Variants in ZNF385D observed in about 807,000 individuals in gnomAD.
ZNF385D encodes the protein zinc finger protein 659.
In ZNF385D, 15 loss-of-function variants were observed where a neutral mutation model predicts 35.8. That is an observed-to-expected ratio of 0.42 (90% CI 0.28 to 0.64). ZNF385D has a LOEUF of 0.64. ZNF385D is among the 30% of genes least tolerant of loss of function. ZNF385D has a pLI of 0.23. For missense variants in ZNF385D, 474 were observed against 494.6 expected (o/e 0.96, Z 0.39); for synonymous variants, 212 against 186.8 (o/e 1.13, Z -1.10).
intron 3 of ZNF385D, among the ~76,000 whole-genome samples, chr3:22,041,361 A>G (rs886846627): frequency 1.3e-5 from 2 of 152,162 alleles, no homozygotes; most frequent in Non-Finnish European, 2.9e-5. Flanking sequence ...ACCTAGCTCC[A>G]CACAACCACA....
chr3:21,680,022 A>C (rs2066851445), intron 1 of ZNF385D, among the ~76,000 whole-genome samples: 1 of 152,238 alleles, frequency 6.6e-6, no homozygotes, highest in Non-Finnish European at 1.5e-5. Context: ...ATGATAGCTG[A>C]CTTGGAATCT....
intron 1 of ZNF385D, among the ~76,000 whole-genome samples, chr3:21,669,043 A>C (rs2066485869): frequency 6.6e-6 from 1 of 152,206 alleles, no homozygotes; most frequent in Non-Finnish European, 1.5e-5. Flanking sequence ...TAATATTCTT[A>C]ATTGAAGCAG....
chr3:21,705,735 C>A (rs776132713), intron 1 of ZNF385D, among the ~76,000 whole-genome samples: 1 of 152,296 alleles, frequency 6.6e-6, no homozygotes, highest in Non-Finnish European at 1.5e-5. Flanking sequence ...CTTTCCACCA[C>A]CCCCAAAATC....
chr3:21,736,675 C>G (rs1159943743), intron 1 of ZNF385D, among the ~76,000 whole-genome samples: 2 of 152,130 alleles, frequency 1.3e-5, no homozygotes, highest in African/African-American at 4.8e-5. Context: ...GACTAACATC[C>G]ATATGGAATT....
intron 1 of ZNF385D, among the ~76,000 whole-genome samples, chr3:21,705,874 T>C (rs993212529): frequency 1.3e-5 from 2 of 152,166 alleles, no homozygotes; most frequent in Non-Finnish European, 2.9e-5. Context: ...CAGTACCCAG[T>C]AGCTCAATTC....
At chr3:21,564,484 G>T in intron 3 of ZNF385D, 90 bp downstream of exon 3, 1 of 754,010 alleles carries the variant, frequency 1.3e-6, no homozygotes, top group Non-Finnish European at 2.0e-6. Flanking sequence ...AGTTACTGGA[G>T]AAAATGTCTT....
At chr3:22,123,789 G>C (rs1018560836) in intron 3 of ZNF385D, among the ~76,000 whole-genome samples, 2 of 152,164 alleles carry the variant, frequency 1.3e-5, no homozygotes, top group Admixed American at 6.5e-5. Flanking sequence ...TTGAACCCAA[G>C]AGGCGGAGGT....
At chr3:22,336,107 C>T (rs1489518531) in intron 2 of ZNF385D, among the ~76,000 whole-genome samples, 1 of 152,056 alleles carries the variant, frequency 6.6e-6, no homozygotes. Flanking sequence ...GGGACTAATC[C>T]TTACCTCCAG....
chr3:21,871,302 G>A (rs1265963689), intron 3 of ZNF385D, among the ~76,000 whole-genome samples: 1 of 152,030 alleles, frequency 6.6e-6, no homozygotes. Flanking sequence ...CTTTAACCTT[G>A]CACTCTCATC....
intron 1 of ZNF385D, among the ~76,000 whole-genome samples, chr3:21,679,363 T>C (rs2066827959): frequency 6.6e-6 from 1 of 152,158 alleles, no homozygotes; most frequent in Non-Finnish European, 1.5e-5. Flanking sequence ...AAATCATTAA[T>C]TGGTATATCT....
Position 21,921,648 on chromosome 3 carries a change from T to G in ZNF385D, c.325+247169A>C, listed in dbSNP as rs76545004. Reference sequence around the variant, plus strand: ...ACACCTAAAAAAAGAGACATAAATATGTACAAAATAAGAAGCCAAGAATAT... The same window carrying G: ...ACACCTAAAAAAAGAGACATAAATAGGTACAAAATAAGAAGCCAAGAATAT... On this transcript the variant is annotated intron_variant, in intron 3 of 5. Transcript: ENST00000494108. Among the ~76,000 whole-genome samples the G allele has an allele frequency of 4.2e-3, 642 of 151,176 alleles. 5 individuals are homozygous for G. Among genetic ancestry groups the G allele is most frequent in the African/African-American group, 0.015 (607 of 41,370 alleles).
intron 3 of ZNF385D, among the ~76,000 whole-genome samples, chr3:22,043,631 G>GGAGAGAGGTAGGTAACTCTAGCAGAC: frequency 6.6e-6 from 1 of 152,120 alleles, no homozygotes; most frequent in African/African-American, 2.4e-5. Context: ...TTCTAGCAGA[G>GGAGAGAGGTAGGTAACTCTAGCAGAC]GAGAGAGGGT....
chr3:21,584,607 T>C (rs1242917650), intron 2 of ZNF385D, among the ~76,000 whole-genome samples: 1 of 152,194 alleles, frequency 6.6e-6, no homozygotes, highest in Non-Finnish European at 1.5e-5. Flanking sequence ...TATCCATCAG[T>C]ACTTAAAATT....
chr3:21,970,377 A>C (rs1188813035), intron 3 of ZNF385D, among the ~76,000 whole-genome samples: 2 of 151,260 alleles, frequency 1.3e-5, no homozygotes, highest in African/African-American at 4.8e-5. Context: ...AAAATAATTT[A>C]AAATAATCAA....
chr3:21,722,669 T>A (rs2068591120), intron 1 of ZNF385D, among the ~76,000 whole-genome samples: 1 of 152,216 alleles, frequency 6.6e-6, no homozygotes, highest in Non-Finnish European at 1.5e-5. Flanking sequence ...TCTCTCTGAA[T>A]TCTTCCCCCA....
chr3:22,082,108 C>T (rs1559354513), intron 3 of ZNF385D, among the ~76,000 whole-genome samples: 1 of 149,088 alleles, frequency 6.7e-6, no homozygotes, highest in Admixed American at 6.9e-5. Flanking sequence ...ATACGAACAG[C>T]TCTGGTCTGC....
At chr3:22,341,202 C>G (rs1004855023) in intron 2 of ZNF385D, among the ~76,000 whole-genome samples, 3 of 152,198 alleles carry the variant, frequency 2.0e-5, no homozygotes, top group Admixed American at 6.5e-5. Context: ...TTACCAATCT[C>G]TCTTCAAACT....
At chr3:21,577,317 T>C (rs940490185) in intron 2 of ZNF385D, among the ~76,000 whole-genome samples, 1 of 152,228 alleles carries the variant, frequency 6.6e-6, no homozygotes, top group Non-Finnish European at 1.5e-5. Context: ...GGATCATCCA[T>C]GTTTCCAAAA....
chr3:21,747,055 T>TTA (rs60635769), intron 1 of ZNF385D, among the ~76,000 whole-genome samples: 1 of 145,150 alleles, frequency 6.9e-6, no homozygotes, highest in Non-Finnish European at 1.5e-5. Context: ...TTTTTTTTTT[T>TTA]AGCTGTTGTA....
Sources: gnomAD v4.1 joint callset for allele counts (sites outside exome capture counted in the v4.1 genomes callset) on GRCh38, gnomAD v4.1.1 for gene constraint, MANE v1.5 for transcripts, NCBI Gene and HGNC (gene_info 2026-07-23, HGNC 2026-07-21) for gene names.